LARP4: variants seen among roughly 807,000 people sequenced by gnomAD.
LARP4 encodes la-related protein 4.
In LARP4, 29 loss-of-function variants were observed where a neutral mutation model predicts 92.9. That is an observed-to-expected ratio of 0.31 (90% CI 0.23 to 0.43). The LOEUF (loss-of-function observed/expected upper bound fraction) is 0.43, where lower values mean the gene tolerates loss of function less well. Among genes scored for constraint, LARP4 ranks in the 20% least tolerant of loss-of-function variants. LARP4 has a pLI of 1.00. For synonymous variants in LARP4, 279 were observed against 284.1 expected (o/e 0.98, Z 0.18); for missense variants, 732 against 860.0 (o/e 0.85, Z 1.86).
rs144206634 is a variant in LARP4 at position 50,462,439 on chromosome 12, C to G, written c.1335-143C>G. On this transcript the variant is annotated intron_variant, in intron 11 of 15. Transcript: ENST00000398473. The stretch of plus-strand genomic sequence containing the variant: ...TTCGTAGTGAGCCGAGATCGCGCCA[C>G]TGCACTCCAGCCTGGCGACAGAGCG... The G allele has an allele frequency of 4.8e-4, 288 of 600,382 alleles. No homozygotes were observed. The African/African-American group carries it at 5.1e-3, about 11-fold the overall frequency. The allele number at this position is 600,382 out of a possible 1,614,324, so 37.2% of individuals were successfully genotyped here.
At chr12:50,454,164 A>C in intron 9 of LARP4, 150 bp from the exon 10 acceptor site, 4 of 578,956 alleles carry the variant, frequency 6.9e-6, no homozygotes, top group Non-Finnish European at 1.2e-5. Context: ...TGGTACTTGA[A>C]GTGAATATTG....
rs759574517 is a variant in LARP4, at chr12:50,461,188, C to G, written c.1175C>G (p.Ser392Cys). Reference sequence around the variant, plus strand: ...GGTTCAGAACACTCAACAGAGGGCTCTGTATCCTTGGGGGATGGACAGTTG... The same window carrying G: ...GGTTCAGAACACTCAACAGAGGGCTGTGTATCCTTGGGGGATGGACAGTTG... ...SGGSEHSTEG[S>C]VSLGDGQLNR... The change falls in exon 11 of 16, where the codon TCT becomes TGT. Residue 392 changes from serine to cysteine, a missense_variant. Physicochemically the swap from Ser to Cys is moderately radical, Grantham distance 112 (BLOSUM62 -1). This residue lies in a region of LARP4 where 264 missense variants were observed against 269.5 expected (regional missense o/e 0.98). Coordinates refer to ENST00000398473, the MANE Select transcript of LARP4 (RefSeq NM_052879.5). 3.1e-6 allele frequency: 5 copies of G among 1,613,986 alleles called. No individual in the cohort carries two copies. Among genetic ancestry groups the G allele is most frequent in the Non-Finnish European group, 4.2e-6 (5 of 1,180,020 alleles).
intron 1 of LARP4, among the ~76,000 whole-genome samples, chr12:50,414,733 T>C (rs962200122): frequency 1.3e-5 from 2 of 152,264 alleles, no homozygotes; most frequent in Non-Finnish European, 2.9e-5. Flanking sequence ...TGTTGGTGAA[T>C]GTAGTCCTAT....
chr12:50,473,414 G>A lies in LARP4; in HGVS notation c.1546-1G>A. ...ATTTTGAAAAATCTTTTTACTTTAA[G>A]GATAATGAAGAGTTGACAATTAGTT... is the stretch of plus-strand genomic sequence containing the variant. On this transcript the variant is annotated splice_acceptor_variant, in intron 13 of 15. Transcript: ENST00000398473. LOFTEE classifies it high-confidence loss of function. 1 of 1,611,508 alleles carries A rather than the reference G, an allele frequency of 6.2e-7. No homozygotes were observed. The highest frequency in any genetic ancestry group is 1.3e-5 in the African/African-American group (1 of 74,930).
At chr12:50,470,178 C>G (rs1245335321) in intron 13 of LARP4, among the ~76,000 whole-genome samples, 1 of 150,918 alleles carries the variant, frequency 6.6e-6, no homozygotes, top group Non-Finnish European at 1.5e-5. Flanking sequence ...GAGCTGTGAT[C>G]ACACCACTGT....
At chr12:50,468,188 C>G (rs1042295426) in intron 13 of LARP4, among the ~76,000 whole-genome samples, 2 of 152,192 alleles carry the variant, frequency 1.3e-5, no homozygotes, top group African/African-American at 4.8e-5. Flanking sequence ...CCATGTTGGC[C>G]AGGCTGGTCT....
chr12:50,474,863 A>G (rs1324385532), intron 15 of LARP4, among the ~76,000 whole-genome samples: 1 of 152,216 alleles, frequency 6.6e-6, no homozygotes, highest in Non-Finnish European at 1.5e-5. Context: ...TTTTATAGTT[A>G]TATAATTGGG....
In LARP4 at chr12:50,415,993, C is replaced by T. The variant is rs187599679; in HGVS notation, c.19-11769C>T. 2.5e-3 allele frequency among the ~76,000 whole-genome samples: 379 copies of T among 152,186 alleles called. 1 individual carries two copies. Among genetic ancestry groups the T allele is most frequent in the African/African-American group, 8.5e-3 (352 of 41,528 alleles). The stretch of plus-strand genomic sequence containing the variant: ...AAGAGTTAGGATTATAGGCGTGAGC[C>T]ACCGCCCCCACCCTCCATGTTTTCT... On this transcript the variant is annotated intron_variant, in intron 1 of 15. Transcript: ENST00000398473.
At chr12:50,418,847 TA>T (rs1166369683) in intron 1 of LARP4, among the ~76,000 whole-genome samples, 2 of 152,088 alleles carry the variant, frequency 1.3e-5, no homozygotes, top group Non-Finnish European at 2.9e-5. Flanking sequence ...GCCTCCCAGG[TA>T]ACTGGAACTA....
chr12:50,435,426 A>G (rs1427002652), intron 4 of LARP4, 62 bp from the exon 5 acceptor site: 5 of 975,972 alleles, frequency 5.1e-6, no homozygotes, highest in South Asian at 1.4e-5. Flanking sequence ...AGTGAGTAAG[A>G]TACCTCTTGT....
intron 5 of LARP4, among the ~76,000 whole-genome samples, chr12:50,436,527 C>T (rs974730608): frequency 3.3e-5 from 5 of 152,090 alleles, no homozygotes; most frequent in African/African-American, 1.2e-4. Flanking sequence ...TACACCTGAC[C>T]GAAATATTTG....
intron 8 of LARP4, among the ~76,000 whole-genome samples, chr12:50,442,874 T>C (rs1021661553): frequency 6.6e-6 from 1 of 152,208 alleles, no homozygotes; most frequent in Admixed American, 6.5e-5. Flanking sequence ...AATCTCATAA[T>C]TGCTGTGAAG....
rs1178460512 is a variant in LARP4 at position 50,428,578 on chromosome 12, G to A, written c.167-357G>A. Among the ~76,000 whole-genome samples, 5 of 151,978 alleles carry A rather than the reference G, an allele frequency of 3.3e-5. No homozygotes were observed. In the South Asian group the frequency reaches 6.2e-4, roughly 19 times the overall value. On this transcript the variant is annotated intron_variant, in intron 2 of 15. Coordinates refer to ENST00000398473, the MANE Select transcript of LARP4 (RefSeq NM_052879.5). ...TCATTGACTCTGCTATTTACTCACT[G>A]TTCGACCTTGGGCAAATAACTTAAT...
At chr12:50,455,163 G>A (rs1273446578) in intron 10 of LARP4, among the ~76,000 whole-genome samples, 1 of 152,140 alleles carries the variant, frequency 6.6e-6, no homozygotes, top group Non-Finnish European at 1.5e-5. Flanking sequence ...TATGTCTGAG[G>A]TATTTTTCTT....
intron 1 of LARP4, among the ~76,000 whole-genome samples, chr12:50,422,289 G>T (rs1490414816): frequency 1.3e-5 from 2 of 152,156 alleles, no homozygotes; most frequent in Admixed American, 1.3e-4. Context: ...AAGTAGGGGA[G>T]ATGATACATA....
intron 10 of LARP4, among the ~76,000 whole-genome samples, chr12:50,455,709 A>T (rs1003442136): frequency 6.6e-6 from 1 of 152,194 alleles, no homozygotes; most frequent in African/African-American, 2.4e-5. Context: ...ACTCTTTAAT[A>T]GTCAGAGTTT....
chr12:50,423,639 G>C (rs1295874308), intron 1 of LARP4, among the ~76,000 whole-genome samples: 1 of 151,920 alleles, frequency 6.6e-6, no homozygotes, highest in Non-Finnish European at 1.5e-5. Context: ...AGTAGAGATT[G>C]GGTTTTACCA....
At chr12:50,461,582 C>T (rs1345382084) in intron 11 of LARP4, 3 of 442,638 alleles carry the variant, frequency 6.8e-6, no homozygotes, top group Admixed American at 8.2e-5. Context: ...TCTGAAGTTC[C>T]TTATAGCTCA....
intron 5 of LARP4, among the ~76,000 whole-genome samples, chr12:50,436,125 G>GAT (rs1950411539): frequency 1.5e-5 from 2 of 137,318 alleles, no homozygotes; most frequent in African/African-American, 2.8e-5. Context: ...TGTGTGATAT[G>GAT]TGTGTGTGTG....
Sources: allele counts gnomAD v4.1 joint callset (sites outside exome capture counted in the v4.1 genomes callset), GRCh38; gene constraint gnomAD v4.1.1; regional missense constraint gnomAD v4.1.1; transcripts MANE v1.5; gene names NCBI Gene and HGNC (gene_info 2026-07-23, HGNC 2026-07-21).